Variants in EFNB2 observed in about 807,000 individuals in gnomAD.
EFNB2 encodes the protein ephrin B2.
EFNB2 carries 5 observed loss-of-function variants against 32.1 expected under a neutral mutation model. That is an observed-to-expected ratio of 0.16 (90% CI 0.08 to 0.33). The LOEUF is 0.33. Among genes scored for constraint, EFNB2 ranks in the 10% least tolerant of loss-of-function variants. EFNB2 has a pLI of 1.00. For missense variants in EFNB2, 263 were observed against 422.6 expected (o/e 0.62, Z 3.31); for synonymous variants, 168 against 166.5 (o/e 1.01, Z -0.07).
Position 106,492,429 on chromosome 13 carries a change from G to A in EFNB2, c.*611C>T, listed in dbSNP as rs1878438606. 6.5e-6 allele frequency: 1 copy of A among 152,842 alleles called. No individual in the cohort carries two copies. The highest frequency in any genetic ancestry group is 2.1e-4 in the South Asian group (1 of 4,856). 9.5% of individuals were successfully genotyped at this position (152,842 alleles called of 1,614,324 possible). A position where few individuals can be genotyped will look rare whatever the true frequency, so the allele number is the denominator to read the frequency against. On this transcript the variant is annotated 3_prime_UTR_variant, in exon 5 of 5. Transcript: ENST00000646441. This position sits in a 1 kb window ranked among gnomAD's most constrained non-coding sequence, Gnocchi z 5.1. ...GGATTACCCATGGACTGAAGCTGTT[G>A]TTGCCAGCGGCTGGAGGAGGGGACT...
At chr13:106,527,845 T>C (rs1879750129) in intron 1 of EFNB2, among the ~76,000 whole-genome samples, 1 of 152,234 alleles carries the variant, frequency 6.6e-6, no homozygotes, top group South Asian at 2.1e-4. Context: ...GGCAGGGCTT[T>C]CTTGAATGAT....
Position 106,491,088 on chromosome 13 carries a change from CAGG to C in EFNB2, c.*1949_*1951del, listed in dbSNP as rs1331042135. 1 of 152,528 alleles carries C rather than the reference CAGG, an allele frequency of 6.6e-6. No individual in the cohort carries two copies. The highest frequency in any genetic ancestry group is 1.5e-5 in the Non-Finnish European group (1 of 68,024). 9.4% of individuals were successfully genotyped at this position (152,528 alleles called of 1,614,324 possible). A position where few individuals can be genotyped will look rare whatever the true frequency, so the allele number is the denominator to read the frequency against. On this transcript the variant is annotated 3_prime_UTR_variant, in exon 5 of 5. Transcript: ENST00000646441. ...AGAAGGGAGGGGGTGCGGGGGAGGACAGGAGGAGGGAGCCACAGCTAAATCGTC... is the reference window on the plus strand; with the variant it reads ...AGAAGGGAGGGGGTGCGGGGGAGGACAGGAGGGAGCCACAGCTAAATCGTC...
chr13:106,504,785 C>T (rs1878895460), intron 2 of EFNB2, among the ~76,000 whole-genome samples: 1 of 152,160 alleles, frequency 6.6e-6, no homozygotes, highest in African/African-American at 2.4e-5. Flanking sequence ...AACAAAACTG[C>T]TGCACTTGTA....
chr13:106,534,396 C>A lies in EFNB2; in HGVS notation c.122+447G>T, dbSNP rs566465602. On this transcript the variant is annotated intron_variant, in intron 1 of 4. Transcript: ENST00000646441. Reference sequence around the variant, plus strand: ...CGCTTCGCTGCCAGCGTCCTGCCACCCCGGTCGCCCGCCCGCGGGCCCCGG... The same window carrying A: ...CGCTTCGCTGCCAGCGTCCTGCCACACCGGTCGCCCGCCCGCGGGCCCCGG... Among the ~76,000 whole-genome samples, 350 of 152,288 alleles carry A rather than the reference C, an allele frequency of 2.3e-3. 4 individuals carry two copies. The highest frequency in any genetic ancestry group is 7.7e-3 in the African/African-American group (322 of 41,580).
rs1358362244 is a variant in EFNB2, at chr13:106,512,416, A to G, written c.406+113T>C. On this transcript the variant is annotated intron_variant, in intron 2 of 4. Transcript: ENST00000646441. ...AAGGGGGGGGGGACAATTTTTCCAC[A>G]TAGATTTTCATCAAATTATTTGTCA... is the stretch of plus-strand genomic sequence containing the variant. 9.9e-6 allele frequency: 8 copies of G among 805,300 alleles called. No individual in the cohort carries two copies. In the Admixed American group the frequency reaches 3.1e-4, roughly 31 times the overall value. The allele number at this position is 805,300 out of a possible 1,614,324, so 49.9% of individuals were successfully genotyped here. A position where few individuals can be genotyped will look rare whatever the true frequency, so the allele number is the denominator to read the frequency against.
At position 106,518,170 on chromosome 13, in the gene EFNB2, T is replaced by C. The variant is rs978298022; in HGVS notation, c.123-5358A>G. 6.6e-6 allele frequency: 1 copy of C among 152,136 alleles called. No individual in the cohort carries two copies. The highest frequency in any genetic ancestry group is 1.5e-5 in the Non-Finnish European group (1 of 68,040). 9.4% of individuals were successfully genotyped at this position (152,136 alleles called of 1,614,324 possible). A position where few individuals can be genotyped will look rare whatever the true frequency, so the allele number is the denominator to read the frequency against. On this transcript the variant is annotated intron_variant, in intron 1 of 4. Transcript: ENST00000646441. This position sits in a 1 kb window ranked among gnomAD's most constrained non-coding sequence, Gnocchi z 4.1. Reference sequence around the variant, plus strand: ...CTGGCCAAGATGGTAAAACCCCGTCTCTATTAAAAATACAACACTTAGCTG... The same window carrying C: ...CTGGCCAAGATGGTAAAACCCCGTCCCTATTAAAAATACAACACTTAGCTG...
In EFNB2 at chr13:106,493,217, G is replaced by C. The variant is rs1457544854; in HGVS notation, c.825C>G (p.Pro275=). 5 of 1,614,100 alleles carry C rather than the reference G, an allele frequency of 3.1e-6. No homozygotes were observed. The highest frequency in any genetic ancestry group is 4.2e-6 in the Non-Finnish European group (5 of 1,180,054). The change falls in exon 5 of 5, where the codon CCC becomes CCG. Residue 275 remains proline (P), a synonymous_variant. Transcript: ENST00000646441. This position sits in a 1 kb window ranked among gnomAD's most constrained non-coding sequence, Gnocchi z 6.1. Reference sequence around the variant, plus strand: ...AGCCGTTGTTGTTGCCGCTGCGCTTGGGTGTGGCCAGTGTGCTGAGCGACA... The same window carrying C: ...AGCCGTTGTTGTTGCCGCTGCGCTTCGGTGTGGCCAGTGTGCTGAGCGACA... The part of the protein sequence containing the change: ...TTLSLSTLAT[P]KRSGNNNGSE...
intron 1 of EFNB2, among the ~76,000 whole-genome samples, chr13:106,534,021 A>C (rs918905250): frequency 2.0e-5 from 3 of 152,186 alleles, no homozygotes; most frequent in Non-Finnish European, 4.4e-5. Flanking sequence ...TCTGATCCTA[A>C]GGATCCCATT....
At chr13:106,504,395 G>A (rs886390005) in intron 2 of EFNB2, among the ~76,000 whole-genome samples, 11 of 152,142 alleles carry the variant, frequency 7.2e-5, no homozygotes, top group Non-Finnish European at 1.3e-4. Flanking sequence ...GAGAAAATGC[G>A]TCACTCTCAT....
intron 2 of EFNB2, among the ~76,000 whole-genome samples, chr13:106,504,434 A>G (rs1314902662): frequency 1.3e-5 from 2 of 152,192 alleles, no homozygotes; most frequent in African/African-American, 4.8e-5. Context: ...TGGACATCAC[A>G]GCTTAGATGG....
chr13:106,532,859 C>A (rs936913318), intron 1 of EFNB2, among the ~76,000 whole-genome samples: 4 of 151,986 alleles, frequency 2.6e-5, no homozygotes, highest in African/African-American at 9.7e-5. Context: ...CACCTCCCCC[C>A]AGGACCCCCC....
chr13:106,510,956 G>A (rs576401211), intron 2 of EFNB2, among the ~76,000 whole-genome samples: 3 of 151,996 alleles, frequency 2.0e-5, no homozygotes, highest in Non-Finnish European at 2.9e-5. Context: ...CCGAGATCAC[G>A]CCACTGCACT....
chr13:106,509,627 CTGTGTGTGTGTG>C (rs34068695), intron 2 of EFNB2, among the ~76,000 whole-genome samples: 278 of 142,640 alleles, frequency 1.9e-3, no homozygotes, highest in Middle Eastern at 7.3e-3. Context: ...CAGAGCTTGA[CTGTGTGTGTGTG>C]TGTGTGTGTG....
chr13:106,526,070 G>A (rs1157302696), intron 1 of EFNB2, among the ~76,000 whole-genome samples: 1 of 152,070 alleles, frequency 6.6e-6, no homozygotes, highest in East Asian at 1.9e-4. Context: ...CCATCTTCAA[G>A]CCCCACCCCA....
chr13:106,519,665 C>G (rs746126428), intron 1 of EFNB2: 1 of 152,086 alleles, frequency 6.6e-6, no homozygotes, highest in Non-Finnish European at 1.5e-5. Flanking sequence ...GCTGACTGCA[C>G]GGAGACAACC....
chr13:106,534,550 A>G (rs956160611), intron 1 of EFNB2, among the ~76,000 whole-genome samples: 1 of 152,218 alleles, frequency 6.6e-6, no homozygotes, highest in Middle Eastern at 3.2e-3. Context: ...AGGGTCAGGT[A>G]TCGCCATCGG....
At chr13:106,496,550 C>T (rs1260939113) in intron 2 of EFNB2, among the ~76,000 whole-genome samples, 1 of 152,230 alleles carries the variant, frequency 6.6e-6, no homozygotes, top group African/African-American at 2.4e-5. Context: ...CACACATGCC[C>T]ACCACTCATT....
Position 106,494,845 on chromosome 13 carries a change from C to T in EFNB2, c.613+36G>A, listed in dbSNP as rs866084446. 4.6e-6 allele frequency: 7 copies of T among 1,506,590 alleles called. No homozygotes were observed. In the Middle Eastern group the frequency reaches 1.0e-3, roughly 220 times the overall value. The allele number at this position is 1,506,590 out of a possible 1,614,324, so 93.3% of individuals were successfully genotyped here. A position where few individuals can be genotyped will look rare whatever the true frequency, so the allele number is the denominator to read the frequency against. On this transcript the variant is annotated intron_variant, in intron 4 of 4. Coordinates refer to ENST00000646441, the MANE Select transcript of EFNB2 (RefSeq NM_004093.4). Reference sequence around the variant, plus strand: ...AAGATACTACTAAGAATGTGGTACCCACAGACCTCCATACACACAGATCAT... The same window carrying T: ...AAGATACTACTAAGAATGTGGTACCTACAGACCTCCATACACACAGATCAT...
Position 106,492,423 on chromosome 13 carries a change from G to A in EFNB2, c.*617C>T, listed in dbSNP as rs1878438430. The A allele has an allele frequency of 6.5e-6, 1 of 152,842 alleles. No individual in the cohort carries two copies. Among genetic ancestry groups the A allele is most frequent in the Non-Finnish European group, 1.5e-5 (1 of 68,550 alleles). The allele number at this position is 152,842 out of a possible 1,614,324, so 9.5% of individuals were successfully genotyped here. A position where few individuals can be genotyped will look rare whatever the true frequency, so the allele number is the denominator to read the frequency against. ...ATGAACGGATTACCCATGGACTGAA[G>A]CTGTTGTTGCCAGCGGCTGGAGGAG... On this transcript the variant is annotated 3_prime_UTR_variant, in exon 5 of 5. Coordinates refer to ENST00000646441, the MANE Select transcript of EFNB2 (RefSeq NM_004093.4). The surrounding 1 kb of genome is among the most constrained non-coding windows in gnomAD (Gnocchi z 5.1).
Sources: allele counts gnomAD v4.1 joint callset (sites outside exome capture counted in the v4.1 genomes callset), GRCh38; gene constraint gnomAD v4.1.1; non-coding constraint Gnocchi (gnomAD v3.1); transcripts MANE v1.5; gene names NCBI Gene and HGNC (gene_info 2026-07-23, HGNC 2026-07-21).